GRIP2: variants seen among roughly 807,000 people sequenced by gnomAD.
GRIP2 encodes glutamate receptor interacting protein 2, also known as glutamate receptor-interacting protein 2.
GRIP2 carries 58 observed loss-of-function variants against 108.3 expected under a neutral mutation model. That is an observed-to-expected ratio of 0.54 (90% CI 0.43 to 0.67). The LOEUF is 0.67. Among genes scored for constraint, GRIP2 ranks in the 30% least tolerant of loss-of-function variants. The probability of loss-of-function intolerance (pLI) is 0.00; values close to 1 mark genes in which losing one functional copy is unlikely to be tolerated. For missense variants in GRIP2, 1,278 were observed against 1,430.6 expected (o/e 0.89, Z 1.72); for synonymous variants, 586 against 598.2 (o/e 0.98, Z 0.30).
chr3:14,593,047 C>T, the GRIP2 span, among the ~76,000 whole-genome samples: 1 of 152,188 alleles, frequency 6.6e-6, no homozygotes, highest in African/African-American at 2.4e-5. Flanking sequence ...TAGGCCAGGA[C>T]AAGCCTGGTG....
intron 10 of GRIP2, 64 bp from the exon 11 acceptor site, chr3:14,517,277 G>A: frequency 6.9e-7 from 1 of 1,459,066 alleles, no homozygotes; most frequent in African/African-American, 1.4e-5. Flanking sequence ...CCACACAGTG[G>A]GTGCTGGGAA....
At chr3:14,499,895 G>A (rs948499117) in intron 21 of GRIP2, among the ~76,000 whole-genome samples, 28 of 151,992 alleles carry the variant, frequency 1.8e-4, no homozygotes, top group African/African-American at 5.3e-4. Context: ...AAAAAAAATC[G>A]CAAACAAAAA....
At chr3:14,520,354 C>T (rs764366746) in intron 8 of GRIP2, 36 bp downstream of exon 8, 4 of 1,610,814 alleles carry the variant, frequency 2.5e-6, no homozygotes, top group East Asian at 4.5e-5. Context: ...CCCCTGCACA[C>T]ACCTCCATGG....
chr3:14,537,250 C>T (rs528015736), intron 1 of GRIP2, among the ~76,000 whole-genome samples: 1 of 152,330 alleles, frequency 6.6e-6, no homozygotes, highest in Admixed American at 6.5e-5. Flanking sequence ...ATCATCAAAA[C>T]TCCCGTCTCA....
At position 14,507,948 on chromosome 3, in the gene GRIP2, C is replaced by T. The variant is rs1243392044; in HGVS notation, c.2079-248G>A. 1.3e-5 allele frequency among the ~76,000 whole-genome samples: 2 copies of T among 152,222 alleles called. No homozygotes were observed. The highest frequency in any genetic ancestry group is 1.3e-4 in the Admixed American group (2 of 15,280). ...CAAAATTAGGTTCTGGAACCAGTGT[C>T]CAACACAGGTTTTGAGAATCCCACA... On this transcript the variant is annotated intron_variant, in intron 17 of 23. Coordinates refer to ENST00000621039, the MANE Select transcript of GRIP2 (RefSeq NM_001080423.4). This position sits in a 1 kb window ranked among gnomAD's most constrained non-coding sequence, Gnocchi z 4.6.
At chr3:14,517,631 G>A in intron 10 of GRIP2, 141 bp downstream of exon 10, 1 of 1,082,846 alleles carries the variant, frequency 9.2e-7, no homozygotes, top group East Asian at 2.7e-5. Context: ...CCTCCCGAGT[G>A]GCTGGGACCA....
chr3:14,582,785 T>G, the GRIP2 span, among the ~76,000 whole-genome samples: 1 of 152,236 alleles, frequency 6.6e-6, no homozygotes, highest in Non-Finnish European at 1.5e-5. Context: ...TTCATTCATT[T>G]TCACTCCGTG....
intron 21 of GRIP2, among the ~76,000 whole-genome samples, chr3:14,503,058 C>T (rs1693809161): frequency 6.6e-6 from 1 of 152,198 alleles, no homozygotes; most frequent in African/African-American, 2.4e-5. Context: ...ATTGACCTTA[C>T]ACAAAGCCAC....
chr3:14,560,876 C>T (rs866385524), upstream of GRIP2, among the ~76,000 whole-genome samples: 1 of 152,174 alleles, frequency 6.6e-6, no homozygotes, highest in African/African-American at 2.4e-5. Context: ...ACAGCAGGGG[C>T]GCAGCAAGGG....
chr3:14,545,161 G>A (rs894575185), upstream of GRIP2, among the ~76,000 whole-genome samples: 10 of 152,226 alleles, frequency 6.6e-5, no homozygotes, highest in African/African-American at 1.4e-4. Context: ...AAGAGCCACC[G>A]TTAACATAAT....
intron 1 of GRIP2, chr3:14,530,969 T>C (rs1694695023): frequency 6.6e-6 from 1 of 152,244 alleles, no homozygotes; most frequent in African/African-American, 2.4e-5. Flanking sequence ...TCATTCTTTC[T>C]ATTTTTTTTT....
the GRIP2 span, among the ~76,000 whole-genome samples, chr3:14,587,660 A>C: frequency 2.0e-5 from 3 of 151,592 alleles, no homozygotes; most frequent in African/African-American, 7.3e-5. Context: ...AAAAAACAAA[A>C]CAAAAAAAAC....
Position 14,521,332 on chromosome 3 carries a change from T to C in GRIP2, c.712+310A>G. On this transcript the variant is annotated intron_variant, in intron 7 of 23. Coordinates refer to ENST00000621039, the MANE Select transcript of GRIP2 (RefSeq NM_001080423.4). The surrounding 1 kb of genome is among the most constrained non-coding windows in gnomAD (Gnocchi z 5.1). ...CTGTCCCATCTCTCTCCCCTGCCTC[T>C]TTTCTTTTTTCCATAGCACTTATTG... The C allele has an allele frequency of 3.6e-6, 1 of 281,076 alleles. No individual in the cohort carries two copies. The highest frequency in any genetic ancestry group is 1.1e-4 in the South Asian group (1 of 9,040). 17.4% of individuals were successfully genotyped at this position (281,076 alleles called of 1,614,324 possible).
chr3:14,494,370 C>T lies in GRIP2; in HGVS notation c.2970+473G>A, dbSNP rs190506568. Among the ~76,000 whole-genome samples, 306 of 152,342 alleles carry T rather than the reference C, an allele frequency of 2.0e-3. 2 individuals carry two copies. The highest frequency in any genetic ancestry group is 2.1e-3 in the Non-Finnish European group (144 of 68,036). On this transcript the variant is annotated intron_variant, in intron 23 of 23. Coordinates refer to ENST00000621039, the MANE Select transcript of GRIP2 (RefSeq NM_001080423.4). The stretch of plus-strand genomic sequence containing the variant: ...AAAATAGCCAGGGCATGAGAAGGGG[C>T]GGCACGGAGTGCCCAGTACACGATG...
chr3:14,527,914 A>C (rs1434807393), intron 1 of GRIP2, among the ~76,000 whole-genome samples: 1 of 152,206 alleles, frequency 6.6e-6, no homozygotes. Context: ...AAAAATAAAA[A>C]TAAATAAAAA....
At chr3:14,586,584 T>C in the GRIP2 span, among the ~76,000 whole-genome samples, 258 of 152,126 alleles carry the variant, frequency 1.7e-3, 3 homozygotes, top group African/African-American at 5.8e-3. Flanking sequence ...GGAGGCCTCA[T>C]GGAATGTAGA....
chr3:14,545,439 G>A (rs1008830359), upstream of GRIP2, among the ~76,000 whole-genome samples: 3 of 152,220 alleles, frequency 2.0e-5, no homozygotes, highest in Non-Finnish European at 4.4e-5. Context: ...GAGGGCCAAC[G>A]CAGCCAGCCA....
chr3:14,602,821 C>A, the GRIP2 span, among the ~76,000 whole-genome samples: 1 of 151,828 alleles, frequency 6.6e-6, no homozygotes, highest in South Asian at 2.1e-4. This position sits in a 1 kb window ranked among gnomAD's most constrained non-coding sequence, Gnocchi z 4.7. Flanking sequence ...CGGGGACCCT[C>A]CCCGGCGCCC....
At chr3:14,549,570 C>T (rs1183598793) in intron 1 of GRIP2, among the ~76,000 whole-genome samples, 1 of 152,248 alleles carries the variant, frequency 6.6e-6, no homozygotes, top group East Asian at 1.9e-4. Flanking sequence ...TTCCCAGATG[C>T]CACAACATCT....
Sources: allele counts gnomAD v4.1 joint callset (sites outside exome capture counted in the v4.1 genomes callset), GRCh38; gene constraint gnomAD v4.1.1; non-coding constraint Gnocchi (gnomAD v3.1); transcripts MANE v1.5; gene names NCBI Gene and HGNC (gene_info 2026-07-23, HGNC 2026-07-21).